Variants in PTH1R observed in about 807,000 individuals in gnomAD.
PTH1R encodes parathyroid hormone 1 receptor.
A neutral mutation model predicts 70.7 loss-of-function variants in PTH1R; 32 were observed. That is an observed-to-expected ratio of 0.45 (90% CI 0.34 to 0.61). The LOEUF is 0.61. PTH1R is among the 20% of genes least tolerant of loss of function. The pLI, the probability that PTH1R is intolerant of heterozygous loss-of-function variation, is 0.01. For missense variants in PTH1R, 626 were observed against 792.5 expected, an observed-to-expected ratio of 0.79 and a Z score of 2.52; for synonymous variants, 329 against 324.8, an observed-to-expected ratio of 1.01 and a Z score of -0.14.
rs2031402552 is a variant in PTH1R, at chr3:46,891,303, G to A, written c.76-2604G>A. On this transcript the variant is annotated intron_variant, in intron 3 of 15. Transcript: ENST00000449590. This position sits in a 1 kb window ranked among gnomAD's most constrained non-coding sequence, Gnocchi z 4.3. ...AAGCCAACAGCTGGAGGTAGAGGCT[G>A]AGCCAATTCCTTGAGCCAGTGAGGG... 6.6e-6 allele frequency among the ~76,000 whole-genome samples: 1 copy of A among 152,172 alleles called. No homozygotes were observed. The highest frequency in any genetic ancestry group is 1.5e-5 in the Non-Finnish European group (1 of 68,036).
Position 46,893,381 on chromosome 3 carries a change from G to A in PTH1R, c.76-526G>A, listed in dbSNP as rs906529744. ...GAGGGGAGGCATTGAGGCACTCACC[G>A]TTCACTGGGGACAGCATTGACTGGG... On this transcript the variant is annotated intron_variant, in intron 3 of 15. Coordinates refer to ENST00000449590, the MANE Select transcript of PTH1R (RefSeq NM_000316.3). The surrounding 1 kb of genome is among the most constrained non-coding windows in gnomAD (Gnocchi z 5.2). 2.0e-5 allele frequency among the ~76,000 whole-genome samples: 3 copies of A among 152,102 alleles called. No individual in the cohort carries two copies. The highest frequency in any genetic ancestry group is 2.9e-5 in the Non-Finnish European group (2 of 68,008).
At chr3:46,897,387 C>T (rs1255100352) in intron 5 of PTH1R, among the ~76,000 whole-genome samples, 1 of 152,222 alleles carries the variant, frequency 6.6e-6, no homozygotes, top group Non-Finnish European at 1.5e-5. Flanking sequence ...CCAGAGTGCT[C>T]CAAAGCCTGA....
Position 46,896,556 on chromosome 3 carries a change from G to T in PTH1R, c.313+687G>T, listed in dbSNP as rs954594897. 6.6e-6 allele frequency among the ~76,000 whole-genome samples: 1 copy of T among 152,224 alleles called. No individual in the cohort carries two copies. The highest frequency in any genetic ancestry group is 2.4e-5 in the African/African-American group (1 of 41,458). ...ACATCTGGGAGGCTGTGGTCACCCT[G>T]TGGCTCCCTGGGGACCAGAGGGAAT... is the stretch of plus-strand genomic sequence containing the variant. On this transcript the variant is annotated intron_variant, in intron 5 of 15. Coordinates refer to ENST00000449590, the MANE Select transcript of PTH1R (RefSeq NM_000316.3). The surrounding 1 kb of genome is among the most constrained non-coding windows in gnomAD (Gnocchi z 4.1).
chr3:46,903,522 A>G lies in PTH1R; in HGVS notation c.1648A>G (p.Thr550Ala). The G allele has an allele frequency of 6.2e-7, 1 of 1,613,760 alleles. No homozygotes were observed. The highest frequency in any genetic ancestry group is 1.1e-5 in the South Asian group (1 of 91,072). ...PGTPALETLE[T>A]TPPAMAAPKD... ...GACCCCAGCCCTGGAGACCCTCGAGACCACACCACCTGCCATGGCTGCTCC... is the reference window on the plus strand; with the variant it reads ...GACCCCAGCCCTGGAGACCCTCGAGGCCACACCACCTGCCATGGCTGCTCC... The change falls in exon 16 of 16, where the codon ACC becomes GCC. Residue 550 changes from threonine to alanine, a missense_variant. By Grantham distance (58) the Thr-to-Ala change is moderately conservative (BLOSUM62 0). Transcript: ENST00000449590. This position sits in a 1 kb window ranked among gnomAD's most constrained non-coding sequence, Gnocchi z 4.4.
At chr3:46,894,700 A>G (rs1206534494) in intron 4 of PTH1R, among the ~76,000 whole-genome samples, 1 of 152,068 alleles carries the variant, frequency 6.6e-6, no homozygotes, top group Admixed American at 6.5e-5. Context: ...AGGCAGGAAA[A>G]TGAGCACAGT....
At chr3:46,889,888 T>A (rs1330373094) in intron 3 of PTH1R, among the ~76,000 whole-genome samples, 1 of 151,914 alleles carries the variant, frequency 6.6e-6, no homozygotes, top group Non-Finnish European at 1.5e-5. Flanking sequence ...CTCTGCACCC[T>A]GGCGCTGAGC....
intron 2 of PTH1R, among the ~76,000 whole-genome samples, chr3:46,881,399 C>T (rs2030550815): frequency 6.6e-6 from 1 of 152,168 alleles, no homozygotes; most frequent in Non-Finnish European, 1.5e-5. Context: ...GTCGAGGGTC[C>T]CAGGCGGCCC....
intron 5 of PTH1R, 120 bp downstream of exon 5, chr3:46,895,989 C>A: frequency 7.6e-7 from 1 of 1,307,366 alleles, no homozygotes. Flanking sequence ...AAGGCTGCAG[C>A]CACATCCCCA....
rs1287658960 is a variant in PTH1R at position 46,883,039 on chromosome 3, A to G, written c.-48-473A>G. Among the ~76,000 whole-genome samples, 1 of 151,446 alleles carries G rather than the reference A, an allele frequency of 6.6e-6. No homozygotes were observed. Among genetic ancestry groups the G allele is most frequent in the Non-Finnish European group, 1.5e-5 (1 of 67,754 alleles). ...TACGCCGAAAGTCGCGGAGCTAAAAATAACAGTCCTGCGCGCCCCCCGCAG... is the reference window on the plus strand; with the variant it reads ...TACGCCGAAAGTCGCGGAGCTAAAAGTAACAGTCCTGCGCGCCCCCCGCAG... On this transcript the variant is annotated intron_variant, in intron 2 of 15. Coordinates refer to ENST00000449590, the MANE Select transcript of PTH1R (RefSeq NM_000316.3). The surrounding 1 kb of genome is among the most constrained non-coding windows in gnomAD (Gnocchi z 6.4).
chr3:46,901,221 C>G lies in PTH1R; in HGVS notation c.1049+136C>G, dbSNP rs2032095324. ...AGGAGTTCTCAGTCCAGCCTCAAGC[C>G]AGGAGCACCCTCAGGGTCACAGGAG... On this transcript the variant is annotated intron_variant, in intron 11 of 15. Coordinates refer to ENST00000449590, the MANE Select transcript of PTH1R (RefSeq NM_000316.3). This position sits in a 1 kb window ranked among gnomAD's most constrained non-coding sequence, Gnocchi z 7.3. 11 of 1,317,722 alleles carry G rather than the reference C, an allele frequency of 8.3e-6. No individual in the cohort carries two copies. In the East Asian group the frequency reaches 2.8e-4, roughly 33 times the overall value. 81.6% of individuals were successfully genotyped at this position (1,317,722 alleles called of 1,614,324 possible).
chr3:46,885,798 T>C (rs1357947970), intron 3 of PTH1R, among the ~76,000 whole-genome samples: 1 of 152,154 alleles, frequency 6.6e-6, no homozygotes, highest in Non-Finnish European at 1.5e-5. Flanking sequence ...AGCAAGAAGC[T>C]GGCAGCCTGC....
Position 46,897,889 on chromosome 3 carries a change from G to C in PTH1R, c.348G>C (p.Leu116=), listed in dbSNP as rs762926288. The C allele has an allele frequency of 1.9e-6, 3 of 1,613,820 alleles. No homozygotes were observed. Among genetic ancestry groups the C allele is most frequent in the South Asian group, 2.2e-5 (2 of 91,074 alleles). Residue 116 remains leucine, a synonymous_variant, in exon 6 of 16, where the codon CTG becomes CTC. Coordinates refer to ENST00000449590, the MANE Select transcript of PTH1R (RefSeq NM_000316.3). Reference sequence around the variant, plus strand: ...GTCTGCCGGAATGGGACCACATCCTGTGCTGGCCGCTGGGGGCACCAGGTG... The same window carrying C: ...GTCTGCCGGAATGGGACCACATCCTCTGCTGGCCGCTGGGGGCACCAGGTG... ...RPCLPEWDHI[L]CWPLGAPGEV...
In PTH1R at chr3:46,903,323, C is replaced by G; in HGVS notation, c.1449C>G (p.Phe483Leu). ...SWSRWTLALD[F>L]KRKARSGSSS... ...GCCGCTGGACACTGGCACTGGACTT[C>G]AAGCGAAAGGCACGCAGCGGGAGCA... Residue 483 changes from phenylalanine (F) to leucine (L), a missense_variant, in exon 16 of 16, where the codon TTC becomes TTG. By Grantham distance (22) the Phe-to-Leu change is conservative. Transcript: ENST00000449590. This position sits in a 1 kb window ranked among gnomAD's most constrained non-coding sequence, Gnocchi z 4.4. 3.7e-6 allele frequency: 6 copies of G among 1,613,674 alleles called. No homozygotes were observed. In the South Asian group the frequency reaches 6.6e-5, roughly 18 times the overall value.
chr3:46,893,755 G>C lies in PTH1R; in HGVS notation c.76-152G>C. On this transcript the variant is annotated intron_variant, in intron 3 of 15. Transcript: ENST00000449590. This position sits in a 1 kb window ranked among gnomAD's most constrained non-coding sequence, Gnocchi z 5.2. ...CCATCTGTAAGGTGTGAGCTCCATA[G>C]AGCAGATTCCCCACATGCAGGGGAA... The C allele has an allele frequency of 1.4e-6, 1 of 730,064 alleles. No homozygotes were observed. Among genetic ancestry groups the C allele is most frequent in the Non-Finnish European group, 2.4e-6 (1 of 412,258 alleles). 45.2% of individuals were successfully genotyped at this position (730,064 alleles called of 1,614,324 possible).
chr3:46,888,839 C>T (rs1395015773), intron 3 of PTH1R, among the ~76,000 whole-genome samples: 2 of 152,266 alleles, frequency 1.3e-5, no homozygotes, highest in African/African-American at 2.4e-5. Flanking sequence ...CTGCATCCCA[C>T]TGCCTGCCCC....
chr3:46,889,509 C>T (rs1259240214), intron 3 of PTH1R, among the ~76,000 whole-genome samples: 2 of 152,214 alleles, frequency 1.3e-5, no homozygotes, highest in Admixed American at 6.5e-5. Context: ...TTAGCTCCAT[C>T]CCTGGCCCTC....
chr3:46,894,188 G>A (rs1461905059), intron 4 of PTH1R, among the ~76,000 whole-genome samples, 179 bp downstream of exon 4: 1 of 152,120 alleles, frequency 6.6e-6, no homozygotes. Flanking sequence ...GAGTCAGCAG[G>A]CTCGGGCATC....
At position 46,884,364 on chromosome 3, in the gene PTH1R, G is replaced by C. The variant is rs541103592; in HGVS notation, c.75+730G>C. Among the ~76,000 whole-genome samples, 1 of 152,274 alleles carries C rather than the reference G, an allele frequency of 6.6e-6. No homozygotes were observed. The highest frequency in any genetic ancestry group is 1.5e-5 in the Non-Finnish European group (1 of 68,008). ...GGAGAGGAGAGACAGAGACAAAGCC[G>C]GGTGGGGAGGAGAGATCCCCCCAGC... On this transcript the variant is annotated intron_variant, in intron 3 of 15. Transcript: ENST00000449590. This position sits in a 1 kb window ranked among gnomAD's most constrained non-coding sequence, Gnocchi z 4.8.
chr3:46,888,490 A>T (rs979636686), intron 3 of PTH1R, among the ~76,000 whole-genome samples: 1 of 152,202 alleles, frequency 6.6e-6, no homozygotes, highest in Non-Finnish European at 1.5e-5. Context: ...CCACATCAGG[A>T]AGGCAGCTAT....
Sources: gnomAD v4.1 joint callset for allele counts (sites outside exome capture counted in the v4.1 genomes callset) on GRCh38, gnomAD v4.1.1 for gene constraint, Gnocchi (gnomAD v3.1) non-coding constraint, MANE v1.5 for transcripts, NCBI Gene and HGNC (gene_info 2026-07-23, HGNC 2026-07-21) for gene names.